Variants in AGMO observed in about 807,000 individuals in gnomAD.
AGMO encodes alkylglycerol monooxygenase.
A neutral mutation model predicts 60.2 loss-of-function variants in AGMO; 75 were observed. The ratio of observed to expected loss-of-function variants is 1.25; its 90% CI spans 1.03 to 1.51. The LOEUF (loss-of-function observed/expected upper bound fraction) is 1.51. AGMO is among the 40% of genes most tolerant of loss of function. AGMO has a pLI of 0.00. For missense variants in AGMO, 763 were observed against 525.5 expected (o/e 1.45, Z -4.42); for synonymous variants, 261 against 177.1 (o/e 1.47, Z -3.76).
the AGMO span, among the ~76,000 whole-genome samples, chr7:15,149,713 C>A: frequency 6.6e-6 from 1 of 151,966 alleles, no homozygotes; most frequent in Non-Finnish European, 1.5e-5. Flanking sequence ...TTGGTTATTA[C>A]AGCCTTGTAG....
At chr7:15,467,219 G>T (rs1427545935) in intron 3 of AGMO, among the ~76,000 whole-genome samples, 1 of 152,062 alleles carries the variant, frequency 6.6e-6, no homozygotes, top group African/African-American at 2.4e-5. Flanking sequence ...TAGATGTGTT[G>T]AATTCACTAT....
At chr7:15,169,088 C>T in the AGMO span, among the ~76,000 whole-genome samples, 2 of 152,124 alleles carry the variant, frequency 1.3e-5, no homozygotes, top group African/African-American at 2.4e-5. Context: ...GGTGGAGAGA[C>T]CTCAATAAAG....
chr7:15,329,088 CTCTT>C (rs1478803023), intron 12 of AGMO, among the ~76,000 whole-genome samples: 10 of 152,274 alleles, frequency 6.6e-5, no homozygotes, highest in South Asian at 2.1e-4. Flanking sequence ...CCTTTCCCCT[CTCTT>C]TGTTGTCCCA....
At chr7:15,204,965 T>C (rs1781403462) in intron 12 of AGMO, among the ~76,000 whole-genome samples, 1 of 152,130 alleles carries the variant, frequency 6.6e-6, no homozygotes, top group African/African-American at 2.4e-5. Context: ...GTTGGGCCTA[T>C]AGGGACATAT....
At chr7:15,504,218 T>G (rs1341876423) in intron 3 of AGMO, among the ~76,000 whole-genome samples, 1 of 152,042 alleles carries the variant, frequency 6.6e-6, no homozygotes, top group African/African-American at 2.4e-5. Flanking sequence ...AATGCATAAA[T>G]TCTAATGTAA....
chr7:15,322,467 AATATATAAATAT>A (rs1395387058), intron 12 of AGMO, among the ~76,000 whole-genome samples: 4 of 72,106 alleles, frequency 5.5e-5, no homozygotes, highest in African/African-American at 2.0e-4. Flanking sequence ...AATATATATA[AATATATAAATAT>A]ATATATAAAT....
intron 12 of AGMO, among the ~76,000 whole-genome samples, chr7:15,244,393 C>CT (rs994612343): frequency 1.3e-5 from 2 of 152,046 alleles, no homozygotes; most frequent in Non-Finnish European, 2.9e-5. Context: ...GACTGTATAT[C>CT]TTTTTTATCT....
At chr7:15,551,129 A>G (rs1433731145) in intron 2 of AGMO, among the ~76,000 whole-genome samples, 3 of 152,206 alleles carry the variant, frequency 2.0e-5, no homozygotes, top group African/African-American at 4.8e-5. Flanking sequence ...CCTTCATGCT[A>G]AAAGCTCTCA....
intron 10 of AGMO, among the ~76,000 whole-genome samples, chr7:15,379,687 G>A (rs1783599370): frequency 6.6e-6 from 1 of 151,898 alleles, no homozygotes; most frequent in Non-Finnish European, 1.5e-5. Context: ...AAGAAGAGCT[G>A]GTACCATTTC....
chr7:15,247,459 C>CACACACAGAGAG (rs139642069), intron 12 of AGMO, among the ~76,000 whole-genome samples: 57 of 115,280 alleles, frequency 4.9e-4, no homozygotes, highest in African/African-American at 1.8e-3. Context: ...CACACACACA[C>CACACACAGAGAG]AGAGAGAGAG....
At chr7:15,394,072 A>C in intron 6 of AGMO, 41 bp downstream of exon 6, 1 of 1,440,610 alleles carries the variant, frequency 6.9e-7, no homozygotes, top group Non-Finnish European at 9.7e-7. Context: ...TGCAATTTTT[A>C]GAGAAATGAA....
chr7:15,213,361 C>A (rs537032585), intron 12 of AGMO, among the ~76,000 whole-genome samples: 1 of 150,730 alleles, frequency 6.6e-6, no homozygotes, highest in Admixed American at 6.6e-5. Flanking sequence ...TTGTTCAATG[C>A]GAGGGTAGAA....
At chr7:15,350,582 G>C (rs1472459919) in intron 12 of AGMO, among the ~76,000 whole-genome samples, 1 of 152,078 alleles carries the variant, frequency 6.6e-6, no homozygotes, top group Non-Finnish European at 1.5e-5. Flanking sequence ...GTAGATTTCT[G>C]TTTTCTCCCA....
intron 10 of AGMO, among the ~76,000 whole-genome samples, chr7:15,378,798 C>A (rs1783560783): frequency 6.6e-6 from 1 of 151,162 alleles, no homozygotes; most frequent in South Asian, 2.1e-4. Flanking sequence ...ACATTAAAAT[C>A]CAACAGAATT....
chr7:15,399,997 G>A (rs1291378255), intron 5 of AGMO, among the ~76,000 whole-genome samples: 1 of 152,006 alleles, frequency 6.6e-6, no homozygotes, highest in Non-Finnish European at 1.5e-5. Flanking sequence ...AATGAGTTTT[G>A]TTTTCCTTTC....
intron 5 of AGMO, among the ~76,000 whole-genome samples, chr7:15,400,036 T>C (rs1784513117): frequency 1.3e-5 from 2 of 152,194 alleles, no homozygotes; most frequent in Non-Finnish European, 2.9e-5. Flanking sequence ...GATCATTAAT[T>C]CTCATGTCTT....
At chr7:15,311,136 G>A (rs1486057758) in intron 12 of AGMO, among the ~76,000 whole-genome samples, 1 of 151,700 alleles carries the variant, frequency 6.6e-6, no homozygotes, top group Non-Finnish European at 1.5e-5. Flanking sequence ...TCCAACACAA[G>A]GTGAACAACT....
intron 3 of AGMO, among the ~76,000 whole-genome samples, chr7:15,543,809 T>C (rs753234960): frequency 3.3e-5 from 5 of 151,766 alleles, no homozygotes; most frequent in Non-Finnish European, 7.4e-5. Context: ...CCACTACTGT[T>C]TGATCTGGCA....
chr7:15,422,695 T>G (rs763042344), intron 4 of AGMO, among the ~76,000 whole-genome samples: 7 of 152,272 alleles, frequency 4.6e-5, no homozygotes, highest in Middle Eastern at 3.4e-3. Flanking sequence ...CAGTCTCATG[T>G]CCATGGCTTG....
Sources: allele counts gnomAD v4.1 joint callset (sites outside exome capture counted in the v4.1 genomes callset), GRCh38; gene constraint gnomAD v4.1.1; transcripts MANE v1.5; gene names NCBI Gene and HGNC (gene_info 2026-07-23, HGNC 2026-07-21).